CATSPERD: variants seen among roughly 807,000 people sequenced by gnomAD.
CATSPERD encodes the protein catsper channel auxiliary subunit delta.
In CATSPERD, 86 loss-of-function variants were observed where a neutral mutation model predicts 98.1. That is an observed-to-expected ratio of 0.88 (90% CI 0.74 to 1.05). The LOEUF (loss-of-function observed/expected upper bound fraction) is 1.05, where lower values mean the gene tolerates loss of function less well. CATSPERD is among the 50% of genes least tolerant of loss of function. CATSPERD has a pLI of 0.00. For missense variants in CATSPERD, 995 were observed against 1,005.7 expected (o/e 0.99, Z 0.14); for synonymous variants, 394 against 390.2 (o/e 1.01, Z -0.12).
intron 17 of CATSPERD, among the ~76,000 whole-genome samples, chr19:5,766,982 C>T (rs888721638): frequency 6.6e-6 from 1 of 151,610 alleles, no homozygotes; most frequent in Admixed American, 6.6e-5. Context: ...CATGAGCCAC[C>T]GCAATTGGCC....
At chr19:5,754,702 CTA>C (rs2056292265) in intron 13 of CATSPERD, among the ~76,000 whole-genome samples, 1 of 151,086 alleles carries the variant, frequency 6.6e-6, no homozygotes, top group Non-Finnish European at 1.5e-5. Flanking sequence ...CCAGCCATTT[CTA>C]TGTGTCTTCC....
intron 21 of CATSPERD, among the ~76,000 whole-genome samples, chr19:5,776,967 G>A (rs551576639): frequency 2.6e-5 from 4 of 152,140 alleles, no homozygotes; most frequent in African/African-American, 9.6e-5. Context: ...TTTACACTAC[G>A]GGAATTGGCA....
chr19:5,757,839 C>T lies in CATSPERD; in HGVS notation c.1279-4C>T, dbSNP rs2056355855. On this transcript the variant is annotated splice_region_variant and splice_polypyrimidine_tract_variant and intron_variant, in intron 13 of 21. Coordinates refer to ENST00000381624, the MANE Select transcript of CATSPERD (RefSeq NM_152784.4). ...CAGCCTGAGCTTCTCTCCCCCACTC[C>T]CAGGTGATGGTGAGCAACCCCCACT... The T allele has an allele frequency of 6.2e-7, 1 of 1,612,096 alleles. No homozygotes were observed. The highest frequency in any genetic ancestry group is 8.5e-7 in the Non-Finnish European group (1 of 1,179,146).
In CATSPERD at chr19:5,720,696, G is replaced by T; in HGVS notation, c.-42G>T. 6.3e-7 allele frequency: 1 copy of T among 1,588,010 alleles called. No homozygotes were observed. Among genetic ancestry groups the T allele is most frequent in the Admixed American group, 1.7e-5 (1 of 59,106 alleles). On this transcript the variant is annotated 5_prime_UTR_variant, in exon 1 of 22. Coordinates refer to ENST00000381624, the MANE Select transcript of CATSPERD (RefSeq NM_152784.4). The stretch of plus-strand genomic sequence containing the variant: ...TACTCGGATTGTGCAGCGACTCCCC[G>T]TGGCGGTTGAGGGGCAGTGGTGGCG...
At chr19:5,757,776 TG>T in intron 13 of CATSPERD, 66 bp from the exon 14 acceptor site, 1 of 1,203,506 alleles carries the variant, frequency 8.3e-7, no homozygotes, top group Non-Finnish European at 1.2e-6. Flanking sequence ...GGGCTCACTG[TG>T]GGGGTTTGTC....
chr19:5,762,052 A>AT (rs1568366950), intron 15 of CATSPERD, among the ~76,000 whole-genome samples: 1 of 17,278 alleles, frequency 5.8e-5, no homozygotes, highest in African/African-American at 1.8e-4. Flanking sequence ...ATATATATAT[A>AT]TATATATTTT....
chr19:5,740,241 A>G (rs2055931839), intron 7 of CATSPERD, among the ~76,000 whole-genome samples: 1 of 151,108 alleles, frequency 6.6e-6, no homozygotes, highest in Admixed American at 6.6e-5. Context: ...AGATCACACC[A>G]TTGCACTCCA....
In CATSPERD at chr19:5,772,891, A is replaced by C; in HGVS notation, c.1867A>C (p.Met623Leu). The C allele has an allele frequency of 6.2e-7, 1 of 1,614,120 alleles. No homozygotes were observed. Among genetic ancestry groups the C allele is most frequent in the East Asian group, 2.2e-5 (1 of 44,878 alleles). Residue 623 changes from methionine to leucine, a missense_variant, in exon 20 of 22, where the codon ATG becomes CTG. Around this residue, in one of 3 missense-constraint regions of CATSPERD, gnomAD observed 762 missense variants for 773.7 expected, o/e 0.98. Transcript: ENST00000381624. ...YSYSLTAQSA[M>L]CTSQPQNWTT... The stretch of plus-strand genomic sequence containing the variant: ...CTATTCCCTGACGGCCCAGTCGGCC[A>C]TGTGTACCTCCCAGCCGCAGAACTG...
chr19:5,742,959 G>C (rs2056017953), intron 7 of CATSPERD, among the ~76,000 whole-genome samples: 1 of 152,130 alleles, frequency 6.6e-6, no homozygotes, highest in African/African-American at 2.4e-5. Flanking sequence ...CCTGGAACCT[G>C]TGAATATGGT....
chr19:5,733,330 TCTTTC>T (rs1568343638), intron 4 of CATSPERD, among the ~76,000 whole-genome samples: 2 of 140,630 alleles, frequency 1.4e-5, no homozygotes, highest in Non-Finnish European at 3.1e-5. Flanking sequence ...TTTCTTTCTT[TCTTTC>T]CTTTCTTTCT....
rs573964164 is a variant in CATSPERD, at chr19:5,721,809, T to C, written c.71+1001T>C. Among the ~76,000 whole-genome samples the C allele has an allele frequency of 9.2e-5, 14 of 151,804 alleles. No homozygotes were observed. In the East Asian group the frequency reaches 2.6e-3, roughly 28 times the overall value. ...TTCCAGACCAGCCTGGCCAACATGA[T>C]GAAACCTCGTCTCTACTAAAAATAC... On this transcript the variant is annotated intron_variant, in intron 1 of 21. Transcript: ENST00000381624.
At chr19:5,764,124 C>A (rs186145821) in intron 16 of CATSPERD, among the ~76,000 whole-genome samples, 1 of 151,850 alleles carries the variant, frequency 6.6e-6, no homozygotes, top group East Asian at 2.0e-4. Flanking sequence ...GCTGGGATCA[C>A]AGGCATGAGC....
chr19:5,735,445 G>GGATTTCTT (rs1434453026), intron 5 of CATSPERD, among the ~76,000 whole-genome samples: 48 of 152,130 alleles, frequency 3.2e-4, no homozygotes, highest in Non-Finnish European at 5.1e-4. Context: ...CGAGTAGCTG[G>GGATTTCTT]GATTACAGGC....
rs1233112617 is a variant in CATSPERD at position 5,739,306 on chromosome 19, TTTC to T, written c.460-17_460-15del. ...GCTGGCATCTTTCTTTCATTCTTTC[TTTC>T]TTTTTTTTTTTTATAGCATGTCAGT... On this transcript the variant is annotated splice_polypyrimidine_tract_variant and intron_variant, in intron 6 of 21. Coordinates refer to ENST00000381624, the MANE Select transcript of CATSPERD (RefSeq NM_152784.4). 5.3e-6 allele frequency: 7 copies of T among 1,328,436 alleles called. No individual in the cohort carries two copies. Among genetic ancestry groups the T allele is most frequent in the African/African-American group, 1.5e-5 (1 of 67,616 alleles). The allele number at this position is 1,328,436 out of a possible 1,614,324, so 82.3% of individuals were successfully genotyped here. A position where few individuals can be genotyped will look rare whatever the true frequency, so the allele number is the denominator to read the frequency against.
At chr19:5,758,076 C>T (rs2056361085) in intron 14 of CATSPERD, 144 bp downstream of exon 14, 5 of 636,148 alleles carry the variant, frequency 7.9e-6, no homozygotes, top group Admixed American at 3.2e-5. Context: ...ATCAGGCAGC[C>T]GTCAACCACA....
intron 4 of CATSPERD, 123 bp from the exon 5 acceptor site, chr19:5,733,733 A>G (rs1599520358): frequency 1.5e-6 from 1 of 670,142 alleles, no homozygotes; most frequent in Non-Finnish European, 2.5e-6. Context: ...TGGGATTACA[A>G]GCGAGGGCCA....
rs1181021043 is a variant in CATSPERD, at chr19:5,776,287, T to C, written c.2068T>C (p.Tyr690His). The change falls in exon 21 of 22, where the codon TAC becomes CAC. Residue 690 changes from tyrosine to histidine, a missense_variant. Transcript: ENST00000381624. ...IFGHNGFYVF[Y>H]ISIVDPYYSY... ...CGGCCACAATGGCTTTTATGTCTTC[T>C]ACATTTCGATCGTGGATCCGTACTA... 6.2e-7 allele frequency: 1 copy of C among 1,614,212 alleles called. No homozygotes were observed. Among genetic ancestry groups the C allele is most frequent in the East Asian group, 2.2e-5 (1 of 44,880 alleles).
At chr19:5,772,015 T>A (rs1365296545) in intron 19 of CATSPERD, 2 of 156,630 alleles carry the variant, frequency 1.3e-5, no homozygotes, top group Non-Finnish European at 2.8e-5. Context: ...CTTCCTTCAT[T>A]TCCTTCCTTT....
At chr19:5,774,573 C>T (rs1259863089) in intron 20 of CATSPERD, among the ~76,000 whole-genome samples, 1 of 152,032 alleles carries the variant, frequency 6.6e-6, no homozygotes, top group African/African-American at 2.4e-5. Context: ...CCTGTAATCC[C>T]AGTTACTGGG....
Sources: gnomAD v4.1 joint callset for allele counts (sites outside exome capture counted in the v4.1 genomes callset) on GRCh38, gnomAD v4.1.1 for gene constraint, gnomAD v4.1.1 regional missense constraint, MANE v1.5 for transcripts, NCBI Gene and HGNC (gene_info 2026-07-23, HGNC 2026-07-21) for gene names.